The following NUCB2 variants were observed in gnomAD, a reference collection of about 807,000 sequenced individuals.
NUCB2 encodes nucleobindin 2.
In NUCB2, 48 loss-of-function variants were observed where a neutral mutation model predicts 57.9. That is an observed-to-expected ratio of 0.83 (90% CI 0.66 to 1.05). NUCB2 has a LOEUF of 1.05. NUCB2 is among the 50% of genes least tolerant of loss of function. NUCB2 has a pLI of 0.00. For synonymous variants in NUCB2, 139 were observed against 152.1 expected (o/e 0.91, Z 0.64); for missense variants, 442 against 476.2 (o/e 0.93, Z 0.67).
chr11:17,291,545 C>CAAAAAAAAAGAAAAA (rs1944937488), intron 2 of NUCB2, among the ~76,000 whole-genome samples: 1 of 52,220 alleles, frequency 1.9e-5, no homozygotes, highest in African/African-American at 6.9e-5. Context: ...GACTCTGCAT[C>CAAAAAAAAAGAAAAA]AAAAAAAAAA....
At chr11:17,310,738 C>A (rs1948361770) in intron 6 of NUCB2, 87 bp from the exon 7 acceptor site, 1 of 1,028,734 alleles carries the variant, frequency 9.7e-7, no homozygotes, top group Non-Finnish European at 1.4e-6. Flanking sequence ...CACTTCTGTT[C>A]AAGAGTATGC....
At position 17,276,807 on chromosome 11, in the gene NUCB2, T is replaced by A. The variant is rs550059597; in HGVS notation, c.-177T>A. The A allele has an allele frequency of 1.3e-5, 2 of 152,226 alleles. No homozygotes were observed. The highest frequency in any genetic ancestry group is 2.9e-5 in the Non-Finnish European group (2 of 68,120). 9.4% of individuals were successfully genotyped at this position (152,226 alleles called of 1,614,324 possible). A position where few individuals can be genotyped will look rare whatever the true frequency, so the allele number is the denominator to read the frequency against. The stretch of plus-strand genomic sequence containing the variant: ...CTGGACGCAAGCACCAGGCGCAGCC[T>A]CGCTCGCCGAGACCCGGCCAGGTAA... On this transcript the variant is annotated 5_prime_UTR_variant, in exon 1 of 14. Transcript: ENST00000529010.
intron 3 of NUCB2, 111 bp from the exon 4 acceptor site, chr11:17,295,988 CAAAGT>C (rs755469098): frequency 1.2e-4 from 61 of 529,846 alleles, no homozygotes; most frequent in Admixed American, 7.2e-4. Context: ...TTGAAACTAT[CAAAGT>C]AAATATGTCT....
chr11:17,324,918 C>T (rs1425118621), intron 11 of NUCB2, among the ~76,000 whole-genome samples: 1 of 152,110 alleles, frequency 6.6e-6, no homozygotes, highest in Non-Finnish European at 1.5e-5. Context: ...TCTCCTGCCT[C>T]AGCCTCCTGA....
rs549061584 is a variant in NUCB2 at position 17,279,313 on chromosome 11, A to G, written c.-156+2485A>G. 1.1e-4 allele frequency among the ~76,000 whole-genome samples: 17 copies of G among 152,352 alleles called. No homozygotes were observed. The East Asian group carries it at 3.1e-3, about 28-fold the overall frequency. On this transcript the variant is annotated intron_variant, in intron 1 of 13. Transcript: ENST00000529010. ...TTACAACCATGATGTGGTGAAAAGT[A>G]TACTTAGTTAGAATTTCATGGCCAG...
At chr11:17,305,128 A>G (rs1228179914) in intron 5 of NUCB2, among the ~76,000 whole-genome samples, 1 of 152,246 alleles carries the variant, frequency 6.6e-6, no homozygotes, top group East Asian at 1.9e-4. Context: ...GTTCAAGACC[A>G]GTTTCGCCAA....
At chr11:17,321,939 T>A (rs10766385) in intron 11 of NUCB2, among the ~76,000 whole-genome samples, 1 of 152,004 alleles carries the variant, frequency 6.6e-6, no homozygotes, top group Non-Finnish European at 1.5e-5. Context: ...TTTGTCAGAT[T>A]ATTAGATAAT....
At chr11:17,286,337 G>A (rs531514510) in intron 2 of NUCB2, among the ~76,000 whole-genome samples, 122 of 152,274 alleles carry the variant, frequency 8.0e-4, no homozygotes, top group Non-Finnish European at 1.5e-3. Flanking sequence ...GTGCCCAGCA[G>A]AATAGAAATT....
At chr11:17,306,934 A>G (rs1330721807) in intron 5 of NUCB2, among the ~76,000 whole-genome samples, 1 of 152,014 alleles carries the variant, frequency 6.6e-6, no homozygotes, top group African/African-American at 2.4e-5. Context: ...AAAGAAAAGA[A>G]AACAGTCTGA....
exon 3 of NUCB2, chr11:17,349,945 TAAAG>T (rs1555118745): frequency 6.6e-6 from 1 of 152,198 alleles, no homozygotes; most frequent in Non-Finnish European, 1.5e-5. Flanking sequence ...TGTGCACCAA[TAAAG>T]AACACAGAAA....
chr11:17,296,154 G>A lies in NUCB2; in HGVS notation c.195G>A (p.Leu65=). The part of the protein sequence containing the change: ...DEYLKQVIDV[L]ETDKHFREKL... ...ATCTCAAGCAAGTGATTGATGTGCT[G>A]GAAACAGATAAACACTTCAGAGAAA... The change falls in exon 4 of 14, where the codon CTG becomes CTA. Residue 65 remains leucine (L), a synonymous_variant. Transcript: ENST00000529010. The A allele has an allele frequency of 1.2e-6, 2 of 1,611,356 alleles. No homozygotes were observed. Among genetic ancestry groups the A allele is most frequent in the Non-Finnish European group, 8.5e-7 (1 of 1,178,614 alleles).
chr11:17,339,295 T>C (rs1245616037), intron 2 of NUCB2, among the ~76,000 whole-genome samples: 2 of 152,170 alleles, frequency 1.3e-5, no homozygotes, highest in Non-Finnish European at 2.9e-5. Context: ...GCTAATGGAA[T>C]TTTCAAATGA....
chr11:17,332,289 A>G (rs560653408), downstream of NUCB2: 9 of 152,096 alleles, frequency 5.9e-5, no homozygotes, highest in African/African-American at 2.2e-4. Flanking sequence ...AACCAGCAGC[A>G]CCTGAACTTA....
intron 2 of NUCB2, among the ~76,000 whole-genome samples, chr11:17,346,718 C>G (rs957698514): frequency 6.6e-6 from 1 of 152,128 alleles, no homozygotes; most frequent in Non-Finnish European, 1.5e-5. Context: ...CTTCATCTAG[C>G]TTCCTCAAAT....
chr11:17,348,904 C>T (rs974368209), intron 2 of NUCB2, among the ~76,000 whole-genome samples: 22 of 152,136 alleles, frequency 1.4e-4, no homozygotes, highest in Admixed American at 8.5e-4. Context: ...TTCAGCCTCC[C>T]GAGTAGCTGG....
chr11:17,292,330 T>G (rs1264211755), intron 2 of NUCB2, among the ~76,000 whole-genome samples: 1 of 152,172 alleles, frequency 6.6e-6, no homozygotes, highest in African/African-American at 2.4e-5. Flanking sequence ...CCACTTTCTA[T>G]TTTTTAAAGA....
chr11:17,282,244 A>C (rs2035688), intron 1 of NUCB2, among the ~76,000 whole-genome samples: 10,290 of 101,992 alleles, frequency 0.1, 491 homozygotes, highest in East Asian at 0.19. Context: ...ATCTATATAT[A>C]TATATATATA....
At chr11:17,324,888 G>A (rs939510814) in intron 11 of NUCB2, among the ~76,000 whole-genome samples, 2 of 151,870 alleles carry the variant, frequency 1.3e-5, no homozygotes, top group African/African-American at 4.8e-5. Context: ...TGCAACCTCC[G>A]CCTCCTGGGT....
chr11:17,287,833 C>G (rs1944046510), intron 2 of NUCB2, among the ~76,000 whole-genome samples: 1 of 151,954 alleles, frequency 6.6e-6, no homozygotes. Flanking sequence ...AACCCAATCT[C>G]TACTAAAAAT....
Sources: gnomAD v4.1 joint callset for allele counts (sites outside exome capture counted in the v4.1 genomes callset) on GRCh38, gnomAD v4.1.1 for gene constraint, MANE v1.5 for transcripts, NCBI Gene and HGNC (gene_info 2026-07-23, HGNC 2026-07-21) for gene names.